Variants in SRD5A2 observed in about 807,000 individuals in gnomAD.
The protein encoded by SRD5A2 is steroid 5 alpha-reductase 2, also known as 3-oxo-5-alpha-steroid 4-dehydrogenase 2.
Under a neutral mutation model 27.4 loss-of-function variants are expected in SRD5A2, and 30 were observed. That is an observed-to-expected ratio of 1.10 (90% CI 0.82 to 1.49). The LOEUF (loss-of-function observed/expected upper bound fraction) is 1.49. SRD5A2 is among the 40% of genes most tolerant of loss of function. The probability of loss-of-function intolerance (pLI) is 0.00; values close to 1 mark genes in which losing one functional copy is unlikely to be tolerated. For synonymous variants in SRD5A2, 141 were observed against 133.6 expected (o/e 1.06, Z -0.38); for missense variants, 348 against 323.4 (o/e 1.08, Z -0.58).
chr2:31,639,208 A>C, the SRD5A2 span, among the ~76,000 whole-genome samples: 3 of 152,114 alleles, frequency 2.0e-5, no homozygotes, highest in African/African-American at 7.2e-5. Context: ...TACACAAAAA[A>C]ATTCTACGCT....
intron 2 of SRD5A2, 89 bp from the exon 3 acceptor site, chr2:31,531,561 G>GGGACATTTAATTCCAAAAAATGAAGGGAA (rs1665909014): frequency 2.4e-6 from 2 of 820,842 alleles, no homozygotes; most frequent in African/African-American, 1.7e-5. Flanking sequence ...AATGAAAGGA[G>GGGACATTTAATTCCAAAAAATGAAGGGAA]GGGCATTTAA....
At chr2:31,565,044 TAA>T (rs1250313080) in intron 1 of SRD5A2, among the ~76,000 whole-genome samples, 1 of 151,748 alleles carries the variant, frequency 6.6e-6, no homozygotes, top group Admixed American at 6.6e-5. Flanking sequence ...CATATGTAAG[TAA>T]AACAACAACA....
the SRD5A2 span, among the ~76,000 whole-genome samples, chr2:31,606,843 T>C: frequency 1.2e-4 from 18 of 151,972 alleles, no homozygotes; most frequent in African/African-American, 4.3e-4. Flanking sequence ...AATTAAACAA[T>C]AGAAATTTAT....
upstream of SRD5A2, among the ~76,000 whole-genome samples, chr2:31,585,893 T>G (rs1470050676): frequency 6.6e-6 from 1 of 152,148 alleles, no homozygotes; most frequent in Non-Finnish European, 1.5e-5. Flanking sequence ...CTTTCTGCCT[T>G]AAATGAATAC....
chr2:31,616,670 T>G, the SRD5A2 span, among the ~76,000 whole-genome samples: 10 of 152,180 alleles, frequency 6.6e-5, no homozygotes, highest in Non-Finnish European at 1.5e-4. Flanking sequence ...AAGTAACTAA[T>G]TTCCTTTTGA....
At position 31,580,791 on chromosome 2, in the gene SRD5A2, G is replaced by A; in HGVS notation, c.110C>T (p.Thr37Met). The change falls in exon 1 of 5, where the codon ACG becomes ATG. Residue 37 changes from threonine (T) to methionine (M), a missense_variant. Transcript: ENST00000622030. The part of the protein sequence containing the change: ...VAKPSGYGKH[T>M]ESLKPAATRL... ...GGTAGCCGCCGGCTTCAGGCTCTCCGTGTGCTTCCCGTAGCCGGAGGGCTT... is the reference window on the plus strand; with the variant it reads ...GGTAGCCGCCGGCTTCAGGCTCTCCATGTGCTTCCCGTAGCCGGAGGGCTT... 6.2e-7 allele frequency: 1 copy of A among 1,612,136 alleles called. No individual in the cohort carries two copies. Among genetic ancestry groups the A allele is most frequent in the African/African-American group, 1.3e-5 (1 of 75,066 alleles).
the SRD5A2 span, among the ~76,000 whole-genome samples, chr2:31,620,611 C>G: frequency 6.6e-6 from 1 of 151,822 alleles, no homozygotes; most frequent in Non-Finnish European, 1.5e-5. Context: ...CTCCAAGGTG[C>G]CTACATTAGT....
At chr2:31,599,137 C>T in the SRD5A2 span, among the ~76,000 whole-genome samples, 26 of 151,860 alleles carry the variant, frequency 1.7e-4, no homozygotes, top group African/African-American at 6.0e-4. Flanking sequence ...TATACATGCA[C>T]CCAACACTGG....
the SRD5A2 span, among the ~76,000 whole-genome samples, chr2:31,646,115 T>C: frequency 6.6e-6 from 1 of 152,138 alleles, no homozygotes; most frequent in African/African-American, 2.4e-5. Context: ...TTGATCATAG[T>C]TCATCAATTA....
chr2:31,580,715 C>T lies in SRD5A2; in HGVS notation c.186G>A (p.Ala62=). 6.2e-7 allele frequency: 1 copy of T among 1,606,008 alleles called. No homozygotes were observed. Among genetic ancestry groups the T allele is most frequent in the Non-Finnish European group, 8.5e-7 (1 of 1,179,178 alleles). Residue 62 remains alanine (A), a synonymous_variant, in exon 1 of 5, where the codon GCG becomes GCA. Coordinates refer to ENST00000622030, the MANE Select transcript of SRD5A2 (RefSeq NM_000348.4). The part of the protein sequence containing the change: ...AWFLQELPSF[A]VPAGILARQP... Reference sequence around the variant, plus strand: ...GCCGGGCGAGGATCCCCGCGGGCACCGCGAAGGAAGGCAGCTCCTGCAGGA... The same window carrying T: ...GCCGGGCGAGGATCCCCGCGGGCACTGCGAAGGAAGGCAGCTCCTGCAGGA...
At chr2:31,625,426 G>A in the SRD5A2 span, among the ~76,000 whole-genome samples, 2 of 152,192 alleles carry the variant, frequency 1.3e-5, no homozygotes, top group Non-Finnish European at 2.9e-5. Context: ...TAGTCACGAA[G>A]TACTTGCCCA....
At chr2:31,634,315 G>GA in the SRD5A2 span, among the ~76,000 whole-genome samples, 1 of 151,946 alleles carries the variant, frequency 6.6e-6, no homozygotes, top group African/African-American at 2.4e-5. Flanking sequence ...CACAAAGAAA[G>GA]AAAAAAGGTT....
the SRD5A2 span, among the ~76,000 whole-genome samples, chr2:31,596,461 A>G: frequency 6.6e-6 from 1 of 151,484 alleles, no homozygotes; most frequent in African/African-American, 2.4e-5. Context: ...TACCACTTCT[A>G]TTTAACATAG....
chr2:31,558,835 G>T (rs535854267), intron 1 of SRD5A2, among the ~76,000 whole-genome samples: 1 of 152,170 alleles, frequency 6.6e-6, no homozygotes, highest in Non-Finnish European at 1.5e-5. Context: ...AGACTGTACC[G>T]TCTAGGTTTG....
chr2:31,536,250 G>C (rs1217690867), intron 1 of SRD5A2, among the ~76,000 whole-genome samples: 1 of 152,140 alleles, frequency 6.6e-6, no homozygotes, highest in Non-Finnish European at 1.5e-5. Flanking sequence ...GTATTAATCA[G>C]GGCAGGCTCA....
At chr2:31,570,202 T>C (rs970792819) in intron 1 of SRD5A2, among the ~76,000 whole-genome samples, 2 of 152,138 alleles carry the variant, frequency 1.3e-5, no homozygotes, top group African/African-American at 2.4e-5. Context: ...GCTTTATCCC[T>C]GGGATACAAG....
Position 31,580,812 on chromosome 2 carries a change from G to A in SRD5A2, c.89C>T (p.Pro30Leu). The A allele has an allele frequency of 6.2e-7, 1 of 1,612,518 alleles. No individual in the cohort carries two copies. Among genetic ancestry groups the A allele is most frequent in the Admixed American group, 1.7e-5 (1 of 60,018 alleles). ...CTCCGTGTGCTTCCCGTAGCCGGAG[G>A]GCTTCGCGACGTACAAGGCCAGTGC... ...LGALALYVAK[P>L]SGYGKHTESL... Residue 30 changes from proline to leucine, a missense_variant, in exon 1 of 5, where the codon CCC becomes CTC. Physicochemically the swap from Pro to Leu is moderately conservative, Grantham distance 98. Coordinates refer to ENST00000622030, the MANE Select transcript of SRD5A2 (RefSeq NM_000348.4).
At chr2:31,531,581 C>A in intron 2 of SRD5A2, 109 bp from the exon 3 acceptor site, 23 of 564,684 alleles carry the variant, frequency 4.1e-5, no homozygotes, top group Non-Finnish European at 6.1e-5. Context: ...ATTTCTAAAT[C>A]TAAGAATGGT....
chr2:31,553,980 T>C (rs776361302), intron 1 of SRD5A2, among the ~76,000 whole-genome samples: 5 of 152,120 alleles, frequency 3.3e-5, no homozygotes, highest in Non-Finnish European at 2.9e-5. Flanking sequence ...GCTAGTCAAT[T>C]TCTAGGAAAA....
Sources: allele counts gnomAD v4.1 joint callset (sites outside exome capture counted in the v4.1 genomes callset), GRCh38; gene constraint gnomAD v4.1.1; transcripts MANE v1.5; gene names NCBI Gene and HGNC (gene_info 2026-07-23, HGNC 2026-07-21).